MSRA: variants seen among roughly 807,000 people sequenced by gnomAD.
The protein encoded by MSRA is methionine sulfoxide reductase A.
MSRA carries 54 observed loss-of-function variants against 31.3 expected under a neutral mutation model. That is an observed-to-expected ratio of 1.73 (90% CI 1.39 to 2.17). MSRA has a LOEUF of 2.17. Among genes scored for constraint, MSRA ranks in the 30% most tolerant of loss-of-function variants. The probability of loss-of-function intolerance (pLI) is 0.00; values close to 1 mark genes in which losing one functional copy is unlikely to be tolerated. For synonymous variants in MSRA, 169 were observed against 116.5 expected (o/e 1.45, Z -2.90); for missense variants, 507 against 300.9 (o/e 1.69, Z -5.07).
At chr8:10,380,203 G>T (rs1805984392) in intron 5 of MSRA, among the ~76,000 whole-genome samples, 1 of 152,158 alleles carries the variant, frequency 6.6e-6, no homozygotes, top group Non-Finnish European at 1.5e-5. Context: ...TTCATGTGCT[G>T]TTTCCTCTGC....
chr8:10,065,129 C>G (rs1016893422), intron 1 of MSRA, among the ~76,000 whole-genome samples: 1 of 152,070 alleles, frequency 6.6e-6, no homozygotes, highest in Non-Finnish European at 1.5e-5. Flanking sequence ...TCTGCTGGTC[C>G]CTGGGGTGTC....
chr8:10,357,989 C>G (rs1563390126), intron 5 of MSRA, among the ~76,000 whole-genome samples: 1 of 152,172 alleles, frequency 6.6e-6, no homozygotes, highest in Non-Finnish European at 1.5e-5. Flanking sequence ...GTGGTGCTAT[C>G]TTGGCTCACT....
intron 5 of MSRA, among the ~76,000 whole-genome samples, chr8:10,362,641 G>A (rs1456548452): frequency 2.6e-5 from 4 of 151,900 alleles, no homozygotes; most frequent in African/African-American, 7.3e-5. Flanking sequence ...AGGGAGACCC[G>A]TTGTCCCTGC....
intron 1 of MSRA, among the ~76,000 whole-genome samples, chr8:10,098,067 T>C (rs899917792): frequency 6.6e-6 from 1 of 152,184 alleles, no homozygotes; most frequent in Non-Finnish European, 1.5e-5. Flanking sequence ...GTTGCGTTGA[T>C]TACATTTTTT....
chr8:10,246,963 G>A (rs569302467), intron 3 of MSRA, among the ~76,000 whole-genome samples: 7 of 152,124 alleles, frequency 4.6e-5, no homozygotes, highest in Admixed American at 2.6e-4. Flanking sequence ...AATTCCAGAC[G>A]TGACTTAATG....
intron 1 of MSRA, among the ~76,000 whole-genome samples, chr8:10,090,535 A>G (rs1798802023): frequency 6.6e-6 from 1 of 152,196 alleles, no homozygotes; most frequent in African/African-American, 2.4e-5. Flanking sequence ...TAAAAAGTTG[A>G]TGTAATTCAC....
chr8:10,105,185 C>G (rs1670377178), intron 1 of MSRA, among the ~76,000 whole-genome samples: 1 of 151,710 alleles, frequency 6.6e-6, no homozygotes, highest in African/African-American at 2.4e-5. Flanking sequence ...TCGAAGATAC[C>G]TTCTCAATCT....
In MSRA at chr8:10,276,534, C is replaced by T. The variant is rs1222373958; in HGVS notation, c.332-25000C>T. 4.6e-5 allele frequency among the ~76,000 whole-genome samples: 7 copies of T among 152,182 alleles called. No individual in the cohort carries two copies. The East Asian group carries it at 5.8e-4, about 13-fold the overall frequency. Reference sequence around the variant, plus strand: ...CAAGGCATTAAGCCCAAAATTATTTCGAAAATTGAAGCCTTTGACTTGCTC... The same window carrying T: ...CAAGGCATTAAGCCCAAAATTATTTTGAAAATTGAAGCCTTTGACTTGCTC... On this transcript the variant is annotated intron_variant, in intron 3 of 5. Coordinates refer to ENST00000317173, the MANE Select transcript of MSRA (RefSeq NM_012331.5).
intron 1 of MSRA, among the ~76,000 whole-genome samples, chr8:10,100,196 G>A (rs1265991634): frequency 6.6e-6 from 1 of 152,222 alleles, no homozygotes; most frequent in African/African-American, 2.4e-5. Context: ...ATGGGGGGAT[G>A]TAAATGGGTT....
chr8:10,260,699 G>GA (rs1798434416), intron 3 of MSRA, among the ~76,000 whole-genome samples: 1 of 152,100 alleles, frequency 6.6e-6, no homozygotes, highest in South Asian at 2.1e-4. Context: ...CATTGGTGGG[G>GA]GGGAATAAAA....
chr8:10,348,720 T>A (rs1490921800), intron 5 of MSRA, among the ~76,000 whole-genome samples: 1 of 152,118 alleles, frequency 6.6e-6, no homozygotes, highest in Non-Finnish European at 1.5e-5. Flanking sequence ...ATCTAAAATA[T>A]TTATCTCCTT....
At chr8:10,351,314 C>T (rs368794986) in intron 5 of MSRA, among the ~76,000 whole-genome samples, 5 of 121,636 alleles carry the variant, frequency 4.1e-5, no homozygotes, top group East Asian at 2.9e-4. Flanking sequence ...AATGCAGTGG[C>T]GTGATCTTGG....
intron 1 of MSRA, among the ~76,000 whole-genome samples, chr8:10,111,532 G>C (rs181051331): frequency 1.3e-5 from 2 of 152,136 alleles, no homozygotes; most frequent in Admixed American, 1.3e-4. Flanking sequence ...TCATAGGGAG[G>C]GACCATCAGA....
intron 3 of MSRA, among the ~76,000 whole-genome samples, chr8:10,255,367 T>C (rs928103091): frequency 7.2e-5 from 11 of 152,204 alleles, no homozygotes; most frequent in Admixed American, 7.2e-4. Flanking sequence ...CAGGCAGAGA[T>C]GTTTCTGTAC....
intron 5 of MSRA, among the ~76,000 whole-genome samples, chr8:10,323,111 C>A (rs868104142): frequency 2.1e-3 from 271 of 129,026 alleles, no homozygotes; most frequent in African/African-American, 7.1e-3. Context: ...AAAAAAAATG[C>A]AGAAGAGAGG....
rs544163106 is a variant in MSRA at position 10,359,208 on chromosome 8, C to T, written c.543+39219C>T. Among the ~76,000 whole-genome samples the T allele has an allele frequency of 5.3e-4, 80 of 152,274 alleles. 4 individuals carry two copies. The South Asian group carries it at 0.015, about 29-fold the overall frequency. On this transcript the variant is annotated intron_variant, in intron 5 of 5. Coordinates refer to ENST00000317173, the MANE Select transcript of MSRA (RefSeq NM_012331.5). ...TGCTTTTCTTTATCAGGAGCAGACTCCTCTTCTCCATTGATTGGATCTTCT... is the reference window on the plus strand; with the variant it reads ...TGCTTTTCTTTATCAGGAGCAGACTTCTCTTCTCCATTGATTGGATCTTCT...
intron 2 of MSRA, among the ~76,000 whole-genome samples, chr8:10,223,672 T>C (rs1810724857): frequency 6.6e-6 from 1 of 152,192 alleles, no homozygotes; most frequent in African/African-American, 2.4e-5. Flanking sequence ...CCCAGACAGA[T>C]ACTGGGACAG....
intron 2 of MSRA, among the ~76,000 whole-genome samples, chr8:10,219,640 A>G (rs1374055333): frequency 1.3e-5 from 2 of 151,852 alleles, no homozygotes; most frequent in African/African-American, 4.8e-5. Context: ...CCCCGTCTCT[A>G]CTAAAAATAC....
rs1798179837 is a variant in MSRA at position 10,079,602 on chromosome 8, C to CT, written c.142+24947dup. 7.2e-5 allele frequency among the ~76,000 whole-genome samples: 11 copies of CT among 152,292 alleles called. No individual in the cohort carries two copies. In the South Asian group the frequency reaches 2.3e-3, roughly 32 times the overall value. ...TGGTCTTAAGTGTCACATCATGAAG[C>CT]TTTGGATCTCTTTCCTTCCCCGCAG... On this transcript the variant is annotated intron_variant, in intron 1 of 5. Transcript: ENST00000317173.
Sources: allele counts gnomAD v4.1 joint callset (sites outside exome capture counted in the v4.1 genomes callset), GRCh38; gene constraint gnomAD v4.1.1; transcripts MANE v1.5; gene names NCBI Gene and HGNC (gene_info 2026-07-23, HGNC 2026-07-21).